ATP8B1: variants seen among roughly 807,000 people sequenced by gnomAD.
ATP8B1 encodes phospholipid-transporting ATPase IC.
ATP8B1 carries 80 observed loss-of-function variants against 149.9 expected under a neutral mutation model. The ratio of observed to expected loss-of-function variants is 0.53; its 90% CI spans 0.45 to 0.64. ATP8B1 has a LOEUF of 0.64. ATP8B1 is among the 30% of genes least tolerant of loss of function. The probability of loss-of-function intolerance (pLI) is 0.00; values close to 1 mark genes in which losing one functional copy is unlikely to be tolerated. For missense variants in ATP8B1, 1,247 were observed against 1,552.6 expected, an observed-to-expected ratio of 0.80 and a Z score of 3.31; for synonymous variants, 536 against 562.8, an observed-to-expected ratio of 0.95 and a Z score of 0.67.
intron 1 of ATP8B1, among the ~76,000 whole-genome samples, chr18:57,749,459 A>ATTGG (rs1419680990): frequency 6.6e-6 from 1 of 152,220 alleles, no homozygotes; most frequent in Non-Finnish European, 1.5e-5. Context: ...CAATGAAAAC[A>ATTGG]ATCCTCTTTA....
chr18:57,656,020 T>C (rs1909973090), intron 22 of ATP8B1, among the ~76,000 whole-genome samples: 1 of 152,178 alleles, frequency 6.6e-6, no homozygotes, highest in South Asian at 2.1e-4. Flanking sequence ...GCAGCAGAGC[T>C]CATATCTACT....
chr18:57,663,689 G>A (rs1910658875), intron 20 of ATP8B1, among the ~76,000 whole-genome samples: 1 of 151,396 alleles, frequency 6.6e-6, no homozygotes, highest in Admixed American at 6.6e-5. Flanking sequence ...GTGATGATGA[G>A]CCTCCTTTCA....
intron 1 of ATP8B1, among the ~76,000 whole-genome samples, chr18:57,762,685 G>A (rs1157580509): frequency 6.6e-6 from 1 of 152,208 alleles, no homozygotes; most frequent in Non-Finnish European, 1.5e-5. Flanking sequence ...GATATTTACA[G>A]TGAACAGTGG....
intron 20 of ATP8B1, among the ~76,000 whole-genome samples, chr18:57,663,518 C>T (rs1464297281): frequency 1.3e-5 from 2 of 152,158 alleles, no homozygotes; most frequent in Non-Finnish European, 2.9e-5. Context: ...TACTGTTTTG[C>T]ATAGTGGCTG....
chr18:57,755,565 G>A (rs776765674), intron 1 of ATP8B1: 11 of 152,058 alleles, frequency 7.2e-5, no homozygotes, highest in South Asian at 2.1e-4. Flanking sequence ...TCACATTGAC[G>A]CTTAATCAAG....
At chr18:57,713,678 T>TG (rs2123025933) in intron 2 of ATP8B1, among the ~76,000 whole-genome samples, 1 of 136,356 alleles carries the variant, frequency 7.3e-6, no homozygotes, top group East Asian at 2.5e-4. Flanking sequence ...TTAGTAGAGA[T>TG]GGGGTTGCAC....
At chr18:57,787,099 G>A (rs989942653) in intron 1 of ATP8B1, among the ~76,000 whole-genome samples, 1 of 152,172 alleles carries the variant, frequency 6.6e-6, no homozygotes, top group Non-Finnish European at 1.5e-5. Flanking sequence ...TTTGAAGACA[G>A]GAAACTTCAT....
intron 1 of ATP8B1, among the ~76,000 whole-genome samples, chr18:57,760,806 T>C (rs948754883): frequency 2.0e-5 from 3 of 151,946 alleles, no homozygotes; most frequent in African/African-American, 4.8e-5. Context: ...CTGACTACCA[T>C]GGTGAAACCC....
chr18:57,768,689 C>G (rs2080240020), intron 1 of ATP8B1, among the ~76,000 whole-genome samples: 1 of 151,838 alleles, frequency 6.6e-6, no homozygotes, highest in African/African-American at 2.4e-5. Flanking sequence ...ATCCTTACTC[C>G]AAGTTCTAAA....
rs932545130 is a variant in ATP8B1 at position 57,720,526 on chromosome 18, C to A, written c.181+11101G>T. ...GGAAGATGAAATGAATGAAATGAAGCGAGAAGGGAACTTTAGAGAAAAAAG... is the reference window on the plus strand; with the variant it reads ...GGAAGATGAAATGAATGAAATGAAGAGAGAAGGGAACTTTAGAGAAAAAAG... On this transcript the variant is annotated intron_variant, in intron 2 of 27. Transcript: ENST00000648908. Among the ~76,000 whole-genome samples, 392 of 120,596 alleles carry A rather than the reference C, an allele frequency of 3.3e-3. 2 individuals are homozygous for A. The highest frequency in any genetic ancestry group is 0.012 in the African/African-American group (371 of 31,858). The allele number at this position is 120,596 out of a possible 152,430, so 79.1% of individuals were successfully genotyped here.
At chr18:57,703,698 C>T (rs912243327) in intron 4 of ATP8B1, among the ~76,000 whole-genome samples, 11 of 152,158 alleles carry the variant, frequency 7.2e-5, no homozygotes, top group East Asian at 3.9e-4. Flanking sequence ...AGAGTTCCCT[C>T]GGTTACAGCA....
Position 57,731,736 on chromosome 18 carries a change from G to T in ATP8B1, c.72C>A (p.Tyr24Ter), listed in dbSNP as rs779604395. ...DSQPNDEVVP[Y>*]SDDETEDELD... ...GTTCATCTTCTGTTTCATCATCACT[G>T]TAGGGAACCACTTCGTCATTAGGCT... is the stretch of plus-strand genomic sequence containing the variant. Residue 24 changes from tyrosine (Y) to a stop codon, truncating the protein, a stop_gained, in exon 2 of 28, where the codon TAC (tyrosine) becomes TAA (stop). Transcript: ENST00000648908. LOFTEE classifies it high-confidence loss of function. 1 of 1,613,926 alleles carries T rather than the reference G, an allele frequency of 6.2e-7. No homozygotes were observed. Among genetic ancestry groups the T allele is most frequent in the Non-Finnish European group, 8.5e-7 (1 of 1,180,018 alleles).
At chr18:57,676,578 G>A (rs1292555954) in intron 15 of ATP8B1, among the ~76,000 whole-genome samples, 1 of 151,740 alleles carries the variant, frequency 6.6e-6, no homozygotes, top group Non-Finnish European at 1.5e-5. Flanking sequence ...AATTAGCCAG[G>A]CATGGTGGCA....
Position 57,764,321 on chromosome 18 carries a change from CTTTTTCTT to C in ATP8B1, c.-25-32497_-25-32490del, listed in dbSNP as rs1191770504. 1.4e-4 allele frequency among the ~76,000 whole-genome samples: 15 copies of C among 105,220 alleles called. No homozygotes were observed. The East Asian group carries it at 2.9e-3, about 21-fold the overall frequency. The allele number at this position is 105,220 out of a possible 152,430, so 69.0% of individuals were successfully genotyped here. On this transcript the variant is annotated intron_variant, in intron 1 of 27. Coordinates refer to ENST00000648908, the MANE Select transcript of ATP8B1 (RefSeq NM_001374385.1). Reference sequence around the variant, plus strand: ...TTCTTCCTTCCTTCTTTCTTTCTTTCTTTTTCTTTCTTTCTTTCTTTTTCTTTCTTTCT... The same window carrying C: ...TTCTTCCTTCCTTCTTTCTTTCTTTCTCTTTCTTTCTTTTTCTTTCTTTCT...
chr18:57,689,724 A>G (rs1348490949), intron 12 of ATP8B1, among the ~76,000 whole-genome samples: 2 of 152,228 alleles, frequency 1.3e-5, no homozygotes, highest in African/African-American at 4.8e-5. Context: ...TCTGCAGAAA[A>G]TCAAAGCAGG....
intron 1 of ATP8B1, among the ~76,000 whole-genome samples, chr18:57,796,300 A>T (rs751707604): frequency 2.0e-5 from 3 of 152,230 alleles, no homozygotes; most frequent in Admixed American, 1.3e-4. Flanking sequence ...TAATTCTTAC[A>T]ATCTTTGTAG....
chr18:57,687,587 C>T (rs537371312), intron 13 of ATP8B1, among the ~76,000 whole-genome samples: 31 of 152,038 alleles, frequency 2.0e-4, no homozygotes, highest in Non-Finnish European at 3.4e-4. Context: ...TTTCATTGTG[C>T]GTATCCACAT....
chr18:57,685,020 G>T, intron 14 of ATP8B1, 52 bp downstream of exon 14: 1 of 1,599,550 alleles, frequency 6.3e-7, no homozygotes. Flanking sequence ...GGCCCTGCTG[G>T]GACCCTGACA....
At chr18:57,663,047 T>C (rs1220036479) in intron 20 of ATP8B1, among the ~76,000 whole-genome samples, 1 of 152,210 alleles carries the variant, frequency 6.6e-6, no homozygotes, top group South Asian at 2.1e-4. Flanking sequence ...CTTTTTCATC[T>C]TGCAAAACGG....
Sources: gnomAD v4.1 joint callset for allele counts (sites outside exome capture counted in the v4.1 genomes callset) on GRCh38, gnomAD v4.1.1 for gene constraint, MANE v1.5 for transcripts, NCBI Gene and HGNC (gene_info 2026-07-23, HGNC 2026-07-21) for gene names.